The following HPS5 variants were observed in gnomAD, a reference collection of about 807,000 sequenced individuals.
The protein encoded by HPS5 is HPS5 biogenesis of lysosomal organelles complex 2 subunit 2.
Under a neutral mutation model 128.0 loss-of-function variants are expected in HPS5, and 83 were observed. The observed-to-expected ratio is 0.65, with a 90% CI of 0.54 to 0.78. HPS5 has a LOEUF of 0.78. HPS5 is among the 30% of genes least tolerant of loss of function. The pLI is 0.00. For synonymous variants in HPS5, 475 were observed against 470.2 expected, an observed-to-expected ratio of 1.01 and a Z score of -0.13; for missense variants, 1,281 against 1,326.2, an observed-to-expected ratio of 0.97 and a Z score of 0.53.
At chr11:18,281,684 G>A (rs956207685) in intron 22 of HPS5, among the ~76,000 whole-genome samples, 1 of 152,000 alleles carries the variant, frequency 6.6e-6, no homozygotes. Flanking sequence ...GATTACAGGC[G>A]TGAACCACCA....
chr11:18,316,289 T>C (rs1284640349), intron 2 of HPS5, among the ~76,000 whole-genome samples: 1 of 151,954 alleles, frequency 6.6e-6, no homozygotes, highest in East Asian at 1.9e-4. Context: ...AGACAACCTG[T>C]TTCAAAAGAA....
At chr11:18,301,219 G>A (rs936839146) in intron 8 of HPS5, among the ~76,000 whole-genome samples, 6 of 152,108 alleles carry the variant, frequency 3.9e-5, no homozygotes, top group Non-Finnish European at 5.9e-5. Context: ...ACTTTGGGAG[G>A]CCAAGGTGGG....
intron 22 of HPS5, 60 bp from the exon 23 acceptor site, chr11:18,280,002 A>C: frequency 6.7e-7 from 1 of 1,501,938 alleles, no homozygotes; most frequent in Non-Finnish European, 9.3e-7. Context: ...TCTTCACAGA[A>C]AACTTAAAAA....
At position 18,287,987 on chromosome 11, in the gene HPS5, T is replaced by A. The variant is rs1859952711; in HGVS notation, c.2467A>T (p.Met823Leu). Reference sequence around the variant, plus strand: ...GGTAGATCTCCTTTTTCCATCTCCATATACACAGGATTGGAACTTGCCATT... The same window carrying A: ...GGTAGATCTCCTTTTTCCATCTCCAAATACACAGGATTGGAACTTGCCATT... Reference protein sequence around the residue: ...KEMASSNPVYMEMEKGDLPTR... With the variant: ...KEMASSNPVYLEMEKGDLPTR... The change falls in exon 17 of 23, where the codon ATG becomes TTG. Residue 823 changes from methionine (M) to leucine (L), a missense_variant. Physicochemically the swap from Met to Leu is conservative, Grantham distance 15. Transcript: ENST00000349215. The A allele has an allele frequency of 5.0e-6, 8 of 1,613,774 alleles. No homozygotes were observed. Among genetic ancestry groups the A allele is most frequent in the Non-Finnish European group, 6.8e-6 (8 of 1,179,826 alleles).
rs1859868934 is a variant in HPS5 at position 18,287,336 on chromosome 11, G to C, written c.2717+199C>G. Among the ~76,000 whole-genome samples, 3 of 152,238 alleles carry C rather than the reference G, an allele frequency of 2.0e-5. No homozygotes were observed. In the South Asian group the frequency reaches 6.2e-4, roughly 32 times the overall value. On this transcript the variant is annotated intron_variant, in intron 18 of 22. Transcript: ENST00000349215. ...CTGAGAATCCCTGAGAGGCAGTGAAGAAGTGTGGTACATGCACATTTGTGA... is the reference window on the plus strand; with the variant it reads ...CTGAGAATCCCTGAGAGGCAGTGAACAAGTGTGGTACATGCACATTTGTGA...
At position 18,296,874 on chromosome 11, in the gene HPS5, ATCT is replaced by A; in HGVS notation, c.1431_1433del (p.Glu477del). ...GTGAGGTGAATTCTTTAAATCTCTCATCTTCTGAGAGGGTTTGGCTGTGAAGGG... is the reference window on the plus strand; with the variant it reads ...GTGAGGTGAATTCTTTAAATCTCTCATCTGAGAGGGTTTGGCTGTGAAGGG... On this transcript the variant is annotated inframe_deletion, in exon 12 of 23. Coordinates refer to ENST00000349215, the MANE Select transcript of HPS5 (RefSeq NM_181507.2). 1 of 1,613,912 alleles carries A rather than the reference ATCT, an allele frequency of 6.2e-7. No individual in the cohort carries two copies. The highest frequency in any genetic ancestry group is 8.5e-7 in the Non-Finnish European group (1 of 1,179,856).
intron 16 of HPS5, among the ~76,000 whole-genome samples, chr11:18,289,390 G>A (rs936079809): frequency 1.3e-5 from 2 of 152,176 alleles, no homozygotes; most frequent in Non-Finnish European, 2.9e-5. Flanking sequence ...CCTCTAGCCA[G>A]CACTGGTAGT....
chr11:18,296,225 G>T (rs1861053312), intron 12 of HPS5, 103 bp from the exon 13 acceptor site: 2 of 1,196,906 alleles, frequency 1.7e-6, no homozygotes, highest in Admixed American at 3.9e-5. Flanking sequence ...AGAAATGAAG[G>T]ATTCAATACC....
intron 16 of HPS5, among the ~76,000 whole-genome samples, 155 bp downstream of exon 16, chr11:18,291,287 C>G (rs1474894392): frequency 6.6e-6 from 1 of 152,100 alleles, no homozygotes; most frequent in Non-Finnish European, 1.5e-5. Context: ...TCTGAAAGAA[C>G]TATTAAAAGT....
At position 18,291,558 on chromosome 11, in the gene HPS5, C is replaced by T; in HGVS notation, c.2324G>A (p.Cys775Tyr). Residue 775 changes from cysteine to tyrosine, a missense_variant, in exon 16 of 23, where the codon TGC becomes TAC. Cys to Tyr is a radical substitution (Grantham distance 194). Coordinates refer to ENST00000349215, the MANE Select transcript of HPS5 (RefSeq NM_181507.2). ...LQQYSPEILA[C>Y]QFLKKYFFLL... ...AAAAAAGTACTTCTTCAGGAACTGGCAAGCCAGAATTTCAGGAGAGTACTG... is the reference window on the plus strand; with the variant it reads ...AAAAAAGTACTTCTTCAGGAACTGGTAAGCCAGAATTTCAGGAGAGTACTG... 6 of 1,611,122 alleles carry T rather than the reference C, an allele frequency of 3.7e-6. No homozygotes were observed. Among genetic ancestry groups the T allele is most frequent in the Non-Finnish European group, 5.1e-6 (6 of 1,178,016 alleles).
chr11:18,295,806 A>G (rs566931462), intron 13 of HPS5, among the ~76,000 whole-genome samples, 193 bp downstream of exon 13: 1 of 152,334 alleles, frequency 6.6e-6, no homozygotes, highest in Admixed American at 6.5e-5. Flanking sequence ...AACAACTCAA[A>G]TACCAGCTGC....
At chr11:18,317,193 CAA>C (rs113486556) in intron 2 of HPS5, among the ~76,000 whole-genome samples, 159 of 139,790 alleles carry the variant, frequency 1.1e-3, no homozygotes, top group African/African-American at 1.4e-3. Flanking sequence ...GACTCCGTCT[CAA>C]AAAAAAAAAA....
intron 5 of HPS5, among the ~76,000 whole-genome samples, chr11:18,309,449 G>A (rs1461995957): frequency 6.6e-6 from 1 of 152,206 alleles, no homozygotes; most frequent in African/African-American, 2.4e-5. Context: ...GCTTGAGGCT[G>A]CAGTGAGCTA....
chr11:18,300,801 A>G (rs758757483), intron 9 of HPS5, 27 bp downstream of exon 9: 21 of 1,213,642 alleles, frequency 1.7e-5, no homozygotes, highest in Non-Finnish European at 2.3e-5. Flanking sequence ...GCATGAGATT[A>G]AAAATTACAA....
At chr11:18,285,779 G>A (rs776365230) in intron 19 of HPS5, among the ~76,000 whole-genome samples, 35 of 152,230 alleles carry the variant, frequency 2.3e-4, no homozygotes, top group Middle Eastern at 6.8e-3. Context: ...AGGCATTTGG[G>A]GGTCTTTTAA....
chr11:18,316,224 G>A (rs2133892420), intron 2 of HPS5, among the ~76,000 whole-genome samples: 1 of 152,210 alleles, frequency 6.6e-6, no homozygotes, highest in Non-Finnish European at 1.5e-5. Flanking sequence ...GAACCCAGGA[G>A]TTTGAGGTTA....
intron 10 of HPS5, among the ~76,000 whole-genome samples, chr11:18,298,404 C>T (rs1351812422): frequency 6.6e-6 from 1 of 151,766 alleles, no homozygotes; most frequent in African/African-American, 2.4e-5. Flanking sequence ...CTGAGACACG[C>T]GAATTGCTTG....
intron 2 of HPS5, among the ~76,000 whole-genome samples, chr11:18,312,252 T>C (rs1392453935): frequency 1.9e-4 from 29 of 152,330 alleles, no homozygotes; most frequent in African/African-American, 1.2e-4. Flanking sequence ...AAAGGCTGAA[T>C]AGGCTCCATT....
Position 18,305,449 on chromosome 11 carries a change from A to T in HPS5, c.869T>A (p.Leu290Ter), listed in dbSNP as rs755270328. The T allele has an allele frequency of 1.5e-5, 24 of 1,610,804 alleles. No homozygotes were observed. Among genetic ancestry groups the T allele is most frequent in the Non-Finnish European group, 1.4e-5 (16 of 1,177,162 alleles). The change falls in exon 8 of 23, where the codon TTG becomes TAG. Residue 290 changes from leucine to a stop codon, truncating the protein, a stop_gained. Coordinates refer to ENST00000349215, the MANE Select transcript of HPS5 (RefSeq NM_181507.2). LOFTEE classifies it high-confidence loss of function. ...AAGATGTAAGAGTTTGGGGAAAGAC[A>T]AAGACTGGGAGGATCCAGCTGTATG... ...YDHTAGSSQS[L>*]SFPKLLHLSE...
Sources: gnomAD v4.1 joint callset for allele counts (sites outside exome capture counted in the v4.1 genomes callset) on GRCh38, gnomAD v4.1.1 for gene constraint, MANE v1.5 for transcripts, NCBI Gene and HGNC (gene_info 2026-07-23, HGNC 2026-07-21) for gene names.